MB21D2: variants seen among roughly 807,000 people sequenced by gnomAD.
MB21D2 encodes nucleotidyltransferase MB21D2.
In MB21D2, 9 loss-of-function variants were observed where a neutral mutation model predicts 33.3. The observed-to-expected ratio is 0.27, with a 90% CI of 0.16 to 0.47. The LOEUF (loss-of-function observed/expected upper bound fraction) is 0.47, where lower values mean the gene tolerates loss of function less well. Among genes scored for constraint, MB21D2 ranks in the 20% least tolerant of loss-of-function variants. The pLI is 0.99. For synonymous variants in MB21D2, 241 were observed against 236.3 expected, an observed-to-expected ratio of 1.02 and a Z score of -0.18; for missense variants, 540 against 624.6, an observed-to-expected ratio of 0.86 and a Z score of 1.44.
At chr3:192,842,287 G>A (rs562654034) in intron 1 of MB21D2, among the ~76,000 whole-genome samples, 1 of 152,316 alleles carries the variant, frequency 6.6e-6, no homozygotes, top group East Asian at 1.9e-4. Context: ...ACGGCTGCCC[G>A]TCAGAGCCAG....
chr3:192,910,926 A>G (rs532016519), intron 1 of MB21D2, among the ~76,000 whole-genome samples: 59 of 152,350 alleles, frequency 3.9e-4, no homozygotes, highest in Middle Eastern at 3.4e-3. Flanking sequence ...TTCTCTTACT[A>G]TATAAAAACT....
chr3:192,881,001 A>C (rs1270289352), intron 1 of MB21D2, among the ~76,000 whole-genome samples: 1 of 152,056 alleles, frequency 6.6e-6, no homozygotes, highest in Non-Finnish European at 1.5e-5. Context: ...ATACACATCT[A>C]TATATAAATA....
chr3:192,840,369 G>A (rs936325448), intron 1 of MB21D2, among the ~76,000 whole-genome samples: 7 of 143,838 alleles, frequency 4.9e-5, no homozygotes, highest in African/African-American at 1.5e-4. Flanking sequence ...TTCAACCACC[G>A]TAACTTTGTG....
chr3:192,888,252 A>G (rs1390313471), intron 1 of MB21D2, among the ~76,000 whole-genome samples: 4 of 152,086 alleles, frequency 2.6e-5, no homozygotes, highest in Non-Finnish European at 5.9e-5. Context: ...TAATGCCCTG[A>G]AAGATTCTCC....
At chr3:192,804,420 AACAGAT>A (rs894482857) in intron 1 of MB21D2, among the ~76,000 whole-genome samples, 7 of 97,874 alleles carry the variant, frequency 7.2e-5, no homozygotes, top group African/African-American at 2.4e-4. Flanking sequence ...ACTTCTTTAA[AACAGAT>A]ACACACACAC....
intron 1 of MB21D2, among the ~76,000 whole-genome samples, chr3:192,898,097 G>A (rs1372498663): frequency 6.6e-6 from 1 of 151,676 alleles, no homozygotes; most frequent in Admixed American, 6.6e-5. Context: ...AGTATATGTA[G>A]ATGCTATTAA....
chr3:192,888,652 A>G (rs1389801786), intron 1 of MB21D2, among the ~76,000 whole-genome samples: 1 of 152,146 alleles, frequency 6.6e-6, no homozygotes, highest in Non-Finnish European at 1.5e-5. Context: ...AGCTCTTACC[A>G]TATGATCATA....
chr3:192,809,828 C>G (rs1044454405), intron 1 of MB21D2, among the ~76,000 whole-genome samples: 1 of 152,210 alleles, frequency 6.6e-6, no homozygotes, highest in African/African-American at 2.4e-5. Context: ...ATCTGTGTTG[C>G]ACACTTAGCT....
chr3:192,914,711 C>CA (rs1219225682), intron 1 of MB21D2, among the ~76,000 whole-genome samples: 5 of 151,132 alleles, frequency 3.3e-5, no homozygotes, highest in South Asian at 4.2e-4. Context: ...CACCTGCCTC[C>CA]AAAAAAAAAT....
chr3:192,903,212 T>A (rs374459771), intron 1 of MB21D2, among the ~76,000 whole-genome samples: 3 of 152,204 alleles, frequency 2.0e-5, no homozygotes, highest in East Asian at 1.9e-4. Context: ...AAGCCAACTG[T>A]CTCAGGTACA....
chr3:192,863,675 T>A (rs1228778998), intron 1 of MB21D2, among the ~76,000 whole-genome samples: 1 of 152,190 alleles, frequency 6.6e-6, no homozygotes, highest in African/African-American at 2.4e-5. Flanking sequence ...ATTGAAATCC[T>A]AATCCCCAAG....
At chr3:192,915,982 T>C (rs1027325318) in intron 1 of MB21D2, among the ~76,000 whole-genome samples, 6 of 152,024 alleles carry the variant, frequency 3.9e-5, no homozygotes, top group Non-Finnish European at 8.8e-5. Context: ...CTAAACAACT[T>C]AAGTAACTGC....
chr3:192,801,819 C>T (rs879548600), intron 1 of MB21D2, among the ~76,000 whole-genome samples: 19 of 152,298 alleles, frequency 1.2e-4, no homozygotes, highest in Admixed American at 7.8e-4. Context: ...TAAAATTTAA[C>T]GCTCATTTAT....
intron 1 of MB21D2, among the ~76,000 whole-genome samples, chr3:192,876,750 T>C (rs547410640): frequency 1.3e-5 from 2 of 152,264 alleles, no homozygotes; most frequent in South Asian, 4.2e-4. Context: ...GAACATAATA[T>C]GTTCTCTGGC....
Position 192,858,350 on chromosome 3 carries a change from C to T in MB21D2, c.212-58700G>A, listed in dbSNP as rs562373272. Among the ~76,000 whole-genome samples, 127 of 152,282 alleles carry T rather than the reference C, an allele frequency of 8.3e-4. 1 individual carries two copies. The highest frequency in any genetic ancestry group is 3.0e-3 in the African/African-American group (123 of 41,550). On this transcript the variant is annotated intron_variant, in intron 1 of 1. Coordinates refer to ENST00000392452, the MANE Select transcript of MB21D2 (RefSeq NM_178496.4). ...GCTCCCAACCCCATGTCACCAGCAC[C>T]ATTTCCACTGTTCTCATTCTCTCAA... is the stretch of plus-strand genomic sequence containing the variant.
intron 1 of MB21D2, among the ~76,000 whole-genome samples, chr3:192,835,497 C>G (rs1020560286): frequency 6.9e-6 from 1 of 145,514 alleles, no homozygotes; most frequent in Non-Finnish European, 1.5e-5. Context: ...CATACAAGCA[C>G]ATTTGCAAAT....
Position 192,859,789 on chromosome 3 carries a change from CA to C in MB21D2, c.211+57840del, listed in dbSNP as rs201431683. Among the ~76,000 whole-genome samples the C allele has an allele frequency of 7.1e-3, 1,074 of 152,260 alleles. 8 individuals carry two copies. The highest frequency in any genetic ancestry group is 0.025 in the African/African-American group (1,039 of 41,546). ...GGTGTTCAGAAAAAGTAGACATTGA[CA>C]AGAACTGAGACCACAGTTAAACATC... is the stretch of plus-strand genomic sequence containing the variant. On this transcript the variant is annotated intron_variant, in intron 1 of 1. Transcript: ENST00000392452.
At chr3:192,807,216 A>AT (rs1711682625) in intron 1 of MB21D2, among the ~76,000 whole-genome samples, 1 of 152,154 alleles carries the variant, frequency 6.6e-6, no homozygotes, top group Non-Finnish European at 1.5e-5. Context: ...GCAAGACCCA[A>AT]TAGAGAGTCT....
intron 1 of MB21D2, among the ~76,000 whole-genome samples, chr3:192,882,257 T>C (rs1016590592): frequency 6.6e-6 from 1 of 152,036 alleles, no homozygotes; most frequent in Admixed American, 6.6e-5. Context: ...GTATTTTTCG[T>C]AGAGATGGGG....
Sources: allele counts gnomAD v4.1 joint callset (sites outside exome capture counted in the v4.1 genomes callset), GRCh38; gene constraint gnomAD v4.1.1; transcripts MANE v1.5; gene names NCBI Gene and HGNC (gene_info 2026-07-23, HGNC 2026-07-21).